The following ZC3H7A variants were observed in gnomAD, a reference collection of about 807,000 sequenced individuals.
ZC3H7A encodes zinc finger CCCH-type containing 7A, also known as zinc finger CCCH domain-containing protein 7A.
ZC3H7A carries 44 observed loss-of-function variants against 125.5 expected under a neutral mutation model. The ratio of observed to expected loss-of-function variants is 0.35; its 90% CI spans 0.28 to 0.45. The LOEUF (loss-of-function observed/expected upper bound fraction) is 0.45. Ranked by LOEUF, ZC3H7A falls within the 20% of genes least tolerant of loss-of-function variation. ZC3H7A has a pLI of 1.00. For synonymous variants in ZC3H7A, 399 were observed against 391.2 expected (o/e 1.02, Z -0.23); for missense variants, 977 against 1,170.7 (o/e 0.83, Z 2.41).
chr16:11,776,264 G>C, intron 7 of ZC3H7A, 56 bp downstream of exon 7: 2 of 1,509,802 alleles, frequency 1.3e-6, no homozygotes, highest in Non-Finnish European at 1.8e-6. Flanking sequence ...AAGTAGAATT[G>C]CTCCCATCCT....
intron 8 of ZC3H7A, 38 bp from the exon 9 acceptor site, chr16:11,774,557 C>A: frequency 6.8e-7 from 1 of 1,477,140 alleles, no homozygotes; most frequent in Non-Finnish European, 9.0e-7. Context: ...TCACTTTCAT[C>A]GTACTTACAT....
At position 11,779,064 on chromosome 16, in the gene ZC3H7A, G is replaced by A. The variant is rs569465334; in HGVS notation, c.306+102C>T. 1.4e-5 allele frequency: 14 copies of A among 1,036,778 alleles called. No homozygotes were observed. In the East Asian group the frequency reaches 3.6e-4, roughly 27 times the overall value. 64.2% of individuals were successfully genotyped at this position (1,036,778 alleles called of 1,614,324 possible). ...AAGCCACTCCAAAAGCAGGTAATAT[G>A]ACTTTCTTAAAAACTTAAGAAATTG... is the stretch of plus-strand genomic sequence containing the variant. On this transcript the variant is annotated intron_variant, in intron 4 of 22. Coordinates refer to ENST00000355758, the MANE Select transcript of ZC3H7A (RefSeq NM_014153.4).
At chr16:11,776,649 C>A (rs911230000) in intron 5 of ZC3H7A, 102 bp downstream of exon 5, 104 of 1,502,310 alleles carry the variant, frequency 6.9e-5, no homozygotes, top group Admixed American at 2.5e-4. Flanking sequence ...TTATACCCAA[C>A]TGAAGCAGGT....
intron 1 of ZC3H7A, among the ~76,000 whole-genome samples, chr16:11,790,079 C>CAAA (rs150579733): frequency 9.1e-4 from 67 of 73,480 alleles, no homozygotes; most frequent in Non-Finnish European, 1.0e-3. Flanking sequence ...GACTCCATCT[C>CAAA]AAAAAAAAAA....
intron 17 of ZC3H7A, 22 bp from the exon 18 acceptor site, chr16:11,762,065 T>C: frequency 6.5e-7 from 1 of 1,548,334 alleles, no homozygotes; most frequent in Non-Finnish European, 8.7e-7. Context: ...AAAAGATTCG[T>C]TTTAATTTTT....
Position 11,775,279 on chromosome 16 carries a change from G to A in ZC3H7A, c.586-266C>T, listed in dbSNP as rs533545024. On this transcript the variant is annotated intron_variant, in intron 7 of 22. Coordinates refer to ENST00000355758, the MANE Select transcript of ZC3H7A (RefSeq NM_014153.4). ...CCAGCTACTCAGGAGGCTGAGGCAA[G>A]AGAACTGCTTGAACCCGGGAGGTGG... Among the ~76,000 whole-genome samples, 11 of 151,954 alleles carry A rather than the reference G, an allele frequency of 7.2e-5. No individual in the cohort carries two copies. The South Asian group carries it at 1.2e-3, about 17-fold the overall frequency.
At chr16:11,782,411 A>G (rs1242202625) in intron 1 of ZC3H7A, 23 bp from the exon 2 acceptor site, 1 of 1,604,184 alleles carries the variant, frequency 6.2e-7, no homozygotes, top group African/African-American at 1.3e-5. Context: ...AAGGCAAAAA[A>G]GCACATAAGG....
chr16:11,781,562 A>G (rs2053173856), intron 2 of ZC3H7A, 98 bp from the exon 3 acceptor site: 1 of 1,281,070 alleles, frequency 7.8e-7, no homozygotes. Context: ...TTAGCTTGCC[A>G]CTGGTTCAAG....
At chr16:11,785,140 A>G (rs1177416521) in intron 1 of ZC3H7A, among the ~76,000 whole-genome samples, 1 of 152,136 alleles carries the variant, frequency 6.6e-6, no homozygotes, top group East Asian at 1.9e-4. Context: ...CCTGAGCAAC[A>G]AGAGTGAAAT....
In ZC3H7A at chr16:11,751,248, G is replaced by T; in HGVS notation, c.*69C>A. 1 of 1,461,330 alleles carries T rather than the reference G, an allele frequency of 6.8e-7. No homozygotes were observed. The highest frequency in any genetic ancestry group is 9.2e-7 in the Non-Finnish European group (1 of 1,085,310). The allele number at this position is 1,461,330 out of a possible 1,614,324, so 90.5% of individuals were successfully genotyped here. On this transcript the variant is annotated 3_prime_UTR_variant, in exon 23 of 23. Transcript: ENST00000355758. ...AGGAAATCTGCAGCTCCTCTGCTAT[G>T]TGCCTCAGAACACTTTCAATTTTTC...
intron 19 of ZC3H7A, among the ~76,000 whole-genome samples, chr16:11,760,122 GAAAAAAA>G (rs66812605): frequency 4.8e-5 from 4 of 82,548 alleles, no homozygotes; most frequent in Admixed American, 1.7e-4. Context: ...AAGAAAAAAT[GAAAAAAA>G]AAAAAAAAAA....
intron 13 of ZC3H7A, among the ~76,000 whole-genome samples, chr16:11,766,129 A>G (rs2052853888): frequency 6.6e-6 from 1 of 152,192 alleles, no homozygotes; most frequent in Admixed American, 6.5e-5. Context: ...GGGACATTCT[A>G]AGCTCATTCA....
chr16:11,751,903 C>CTT (rs34041916), intron 22 of ZC3H7A, among the ~76,000 whole-genome samples: 25,340 of 128,714 alleles, frequency 0.2, 3,000 homozygotes, highest in East Asian at 0.43. Context: ...ACTGAAAAAC[C>CTT]TTTTTTTTTT....
chr16:11,795,592 C>G (rs529364696), intron 1 of ZC3H7A, among the ~76,000 whole-genome samples: 99 of 152,190 alleles, frequency 6.5e-4, no homozygotes, highest in Non-Finnish European at 1.1e-3. Context: ...CCTGCCACCA[C>G]GCCTGGCTGA....
intron 1 of ZC3H7A, among the ~76,000 whole-genome samples, chr16:11,783,744 CATT>C (rs1241099311): frequency 2.0e-5 from 3 of 152,192 alleles, no homozygotes; most frequent in African/African-American, 7.2e-5. Flanking sequence ...TTTTTAGTTT[CATT>C]ATTGCTTGGC....
chr16:11,767,788 C>A (rs2052886901), intron 12 of ZC3H7A, among the ~76,000 whole-genome samples: 1 of 151,930 alleles, frequency 6.6e-6, no homozygotes, highest in Admixed American at 6.6e-5. Flanking sequence ...TATTCAACTC[C>A]ACTCCTGCCA....
chr16:11,757,810 A>C (rs1042925307), intron 20 of ZC3H7A, among the ~76,000 whole-genome samples: 1 of 152,212 alleles, frequency 6.6e-6, no homozygotes, highest in African/African-American at 2.4e-5. Context: ...GGCAGGCAAC[A>C]GTCAAATCTG....
At chr16:11,760,721 A>G (rs1263908008) in intron 19 of ZC3H7A, among the ~76,000 whole-genome samples, 1 of 152,196 alleles carries the variant, frequency 6.6e-6, no homozygotes, top group Non-Finnish European at 1.5e-5. Context: ...AAGTGCCTCT[A>G]GATGCTCTCC....
chr16:11,793,424 T>C (rs1489453032), intron 1 of ZC3H7A, among the ~76,000 whole-genome samples: 1 of 151,894 alleles, frequency 6.6e-6, no homozygotes, highest in Non-Finnish European at 1.5e-5. Context: ...TGCCAGCTAC[T>C]CGGGAGACTG....
Sources: gnomAD v4.1 joint callset for allele counts (sites outside exome capture counted in the v4.1 genomes callset) on GRCh38, gnomAD v4.1.1 for gene constraint, MANE v1.5 for transcripts, NCBI Gene and HGNC (gene_info 2026-07-23, HGNC 2026-07-21) for gene names.